The following CDKAL1 variants were observed in gnomAD, a reference collection of about 807,000 sequenced individuals.
CDKAL1 encodes CDKAL1 threonylcarbamoyladenosine tRNA methylthiotransferase.
A neutral mutation model predicts 68.2 loss-of-function variants in CDKAL1; 32 were observed. The observed-to-expected ratio is 0.47, with a 90% CI of 0.35 to 0.63. CDKAL1 has a LOEUF of 0.63. Among genes scored for constraint, CDKAL1 ranks in the 30% least tolerant of loss-of-function variants. The pLI is 0.00. For missense variants in CDKAL1, 606 were observed against 696.7 expected (o/e 0.87, Z 1.47); for synonymous variants, 234 against 244.3 (o/e 0.96, Z 0.39).
chr6:20,720,802 T>G (rs371089242), intron 5 of CDKAL1, among the ~76,000 whole-genome samples: 1 of 152,326 alleles, frequency 6.6e-6, no homozygotes, highest in South Asian at 2.1e-4. Flanking sequence ...CTGGCCTCTA[T>G]TCTCTACTTC....
At chr6:21,054,805 T>C (rs1770740033) in intron 11 of CDKAL1, among the ~76,000 whole-genome samples, 1 of 152,132 alleles carries the variant, frequency 6.6e-6, no homozygotes, top group Non-Finnish European at 1.5e-5. Context: ...TTTTTATATA[T>C]TGATCTTGTA....
intron 15 of CDKAL1, among the ~76,000 whole-genome samples, chr6:21,230,206 G>C (rs897487499): frequency 2.0e-5 from 3 of 152,350 alleles, no homozygotes; most frequent in Admixed American, 1.3e-4. Context: ...CTGTTGCCCA[G>C]GCTGGAGTGC....
At chr6:21,142,028 A>T (rs575767843) in intron 13 of CDKAL1, among the ~76,000 whole-genome samples, 103 of 151,816 alleles carry the variant, frequency 6.8e-4, no homozygotes, top group African/African-American at 1.1e-3. Context: ...TGGATCCAAA[A>T]TTTTTTTTTC....
chr6:20,692,945 T>C (rs971820417), intron 5 of CDKAL1, among the ~76,000 whole-genome samples: 6 of 151,084 alleles, frequency 4.0e-5, no homozygotes, highest in Admixed American at 4.0e-4. Flanking sequence ...GCTAACACGG[T>C]GAAACCCAAT....
chr6:21,194,509 A>G (rs934011921), intron 13 of CDKAL1, among the ~76,000 whole-genome samples: 7 of 152,204 alleles, frequency 4.6e-5, no homozygotes, highest in Non-Finnish European at 7.3e-5. Flanking sequence ...AGTCCTGAAG[A>G]TATCTGTAGC....
intron 10 of CDKAL1, among the ~76,000 whole-genome samples, chr6:20,990,219 G>C (rs527915604): frequency 1.1e-4 from 17 of 151,994 alleles, no homozygotes; most frequent in Non-Finnish European, 2.5e-4. Context: ...CTCCAACCTG[G>C]GCAAGAGAGC....
At chr6:20,712,832 G>C (rs1177560790) in intron 5 of CDKAL1, among the ~76,000 whole-genome samples, 2 of 150,958 alleles carry the variant, frequency 1.3e-5, no homozygotes, top group East Asian at 1.9e-4. Context: ...TTTTAGTAGA[G>C]GGTTTCACCA....
chr6:20,988,190 GT>G (rs1480652970), intron 10 of CDKAL1, among the ~76,000 whole-genome samples: 1 of 148,130 alleles, frequency 6.8e-6, no homozygotes, highest in African/African-American at 2.6e-5. Context: ...ATATGTGTGT[GT>G]GTGTGTGTGT....
intron 11 of CDKAL1, among the ~76,000 whole-genome samples, chr6:21,027,702 G>A (rs748950054): frequency 7.9e-5 from 12 of 152,102 alleles, no homozygotes; most frequent in Non-Finnish European, 1.0e-4. Flanking sequence ...AGATGTGAAC[G>A]CCATGTTTTG....
At chr6:21,001,867 A>G (rs1479465228) in intron 11 of CDKAL1, among the ~76,000 whole-genome samples, 1 of 152,226 alleles carries the variant, frequency 6.6e-6, no homozygotes, top group Non-Finnish European at 1.5e-5. Flanking sequence ...GTAGCCAATA[A>G]AAACTTGATA....
intron 12 of CDKAL1, among the ~76,000 whole-genome samples, chr6:21,095,221 G>A (rs1181810422): frequency 6.6e-6 from 1 of 152,138 alleles, no homozygotes; most frequent in African/African-American, 2.4e-5. Context: ...TTCTTGTGAT[G>A]GGTGCAGGGC....
chr6:20,956,975 A>G (rs1392669365), intron 10 of CDKAL1, among the ~76,000 whole-genome samples: 1 of 148,564 alleles, frequency 6.7e-6, no homozygotes, highest in Non-Finnish European at 1.5e-5. Flanking sequence ...TAACACTTTG[A>G]CTCAACACTT....
At chr6:20,943,957 G>T (rs1764112757) in intron 9 of CDKAL1, among the ~76,000 whole-genome samples, 1 of 152,224 alleles carries the variant, frequency 6.6e-6, no homozygotes. Context: ...CAATAGTTTA[G>T]CCCACATCAG....
intron 9 of CDKAL1, among the ~76,000 whole-genome samples, chr6:20,903,693 C>T (rs1762107045): frequency 6.6e-6 from 1 of 152,206 alleles, no homozygotes; most frequent in African/African-American, 2.4e-5. Flanking sequence ...ACAAATGAAA[C>T]TGAAGCCCAT....
At chr6:20,634,920 T>A (rs1005378445) in intron 4 of CDKAL1, among the ~76,000 whole-genome samples, 2 of 139,500 alleles carry the variant, frequency 1.4e-5, no homozygotes, top group African/African-American at 5.4e-5. Flanking sequence ...GAGGTTGCAG[T>A]GAGCCAAGAC....
chr6:20,753,957 A>ATATGTGTGTG (rs1330765853), intron 6 of CDKAL1, among the ~76,000 whole-genome samples: 3 of 147,702 alleles, frequency 2.0e-5, no homozygotes, highest in African/African-American at 7.5e-5. Context: ...TATTATCTGT[A>ATATGTGTGTG]TGTGTGTGTG....
chr6:20,644,841 T>G (rs1287984229), intron 4 of CDKAL1, among the ~76,000 whole-genome samples: 1 of 152,238 alleles, frequency 6.6e-6, no homozygotes, highest in African/African-American at 2.4e-5. Flanking sequence ...AGTACAGTCA[T>G]GTGTTGCTTA....
intron 13 of CDKAL1, among the ~76,000 whole-genome samples, chr6:21,128,391 C>T (rs1482669945): frequency 6.6e-6 from 1 of 152,078 alleles, no homozygotes; most frequent in Non-Finnish European, 1.5e-5. Flanking sequence ...AGGATGTAAC[C>T]ACATCATATG....
chr6:20,859,867 G>T (rs1759521912), intron 9 of CDKAL1, among the ~76,000 whole-genome samples: 1 of 152,100 alleles, frequency 6.6e-6, no homozygotes, highest in African/African-American at 2.4e-5. Context: ...TCCAACTGTT[G>T]TTTCTTAGTT....
Sources: gnomAD v4.1 joint callset for allele counts (sites outside exome capture counted in the v4.1 genomes callset) on GRCh38, gnomAD v4.1.1 for gene constraint, MANE v1.5 for transcripts, NCBI Gene and HGNC (gene_info 2026-07-23, HGNC 2026-07-21) for gene names.